The following ZNF609 variants were observed in gnomAD, a reference collection of about 807,000 sequenced individuals.
ZNF609 encodes the protein zinc finger protein 609.
Under a neutral mutation model 109.5 loss-of-function variants are expected in ZNF609, and 11 were observed. That is an observed-to-expected ratio of 0.10 (90% CI 0.06 to 0.17). The LOEUF (loss-of-function observed/expected upper bound fraction) is 0.17. Ranked by LOEUF, ZNF609 falls within the 10% of genes least tolerant of loss-of-function variation. The pLI is 1.00. For missense variants in ZNF609, 1,559 were observed against 1,772.4 expected (o/e 0.88, Z 2.16); for synonymous variants, 646 against 662.0 (o/e 0.98, Z 0.37).
chr15:64,615,352 A>G (rs1383391594), intron 2 of ZNF609, among the ~76,000 whole-genome samples: 1 of 150,606 alleles, frequency 6.6e-6, no homozygotes, highest in Admixed American at 6.6e-5. Context: ...TATGTTGCCC[A>G]GGCTGGTCTG....
At chr15:64,523,368 G>A (rs1893920984) in intron 2 of ZNF609, among the ~76,000 whole-genome samples, 1 of 152,156 alleles carries the variant, frequency 6.6e-6, no homozygotes, top group Non-Finnish European at 1.5e-5. Context: ...CTTTGGAACT[G>A]TTGTCAGCAC....
At chr15:64,651,485 T>C (rs1361026812) in intron 3 of ZNF609, among the ~76,000 whole-genome samples, 1 of 152,184 alleles carries the variant, frequency 6.6e-6, no homozygotes, top group Admixed American at 6.5e-5. Context: ...TGACTCTAGG[T>C]AAAAGGTAGC....
At chr15:64,500,658 C>T in intron 2 of ZNF609, 1 of 532,138 alleles carries the variant, frequency 1.9e-6, no homozygotes, top group East Asian at 3.2e-5. Flanking sequence ...AATTTCATGG[C>T]ATATCTACGA....
chr15:64,537,556 A>G (rs938445218), intron 2 of ZNF609, among the ~76,000 whole-genome samples: 1 of 152,090 alleles, frequency 6.6e-6, no homozygotes, highest in African/African-American at 2.4e-5. Flanking sequence ...CCATCAAAAA[A>G]AAGAAAAAAG....
intron 4 of ZNF609, among the ~76,000 whole-genome samples, chr15:64,672,909 A>G (rs922523495): frequency 6.7e-5 from 10 of 150,308 alleles, no homozygotes; most frequent in African/African-American, 2.5e-4. Context: ...GGTTACAGTG[A>G]GCCGAGATCG....
At chr15:64,672,361 A>AT (rs1555426053) in intron 4 of ZNF609, among the ~76,000 whole-genome samples, 71 of 149,538 alleles carry the variant, frequency 4.7e-4, no homozygotes, top group Non-Finnish European at 8.0e-4. Flanking sequence ...GCGGTGGCTA[A>AT]CGCCTGTAAT....
chr15:64,595,055 G>C (rs908580023), intron 2 of ZNF609, among the ~76,000 whole-genome samples: 1 of 149,430 alleles, frequency 6.7e-6, no homozygotes, highest in African/African-American at 2.5e-5. Context: ...ACTGGGTTTG[G>C]AGCTGTGAGT....
intron 2 of ZNF609, among the ~76,000 whole-genome samples, chr15:64,538,372 T>C (rs987237663): frequency 1.3e-5 from 2 of 152,204 alleles, no homozygotes; most frequent in Non-Finnish European, 2.9e-5. Flanking sequence ...TCTTCTCCAC[T>C]AAAATGTTTG....
At chr15:64,593,527 GT>G (rs1260110457) in intron 2 of ZNF609, among the ~76,000 whole-genome samples, 2 of 152,110 alleles carry the variant, frequency 1.3e-5, no homozygotes, top group African/African-American at 2.4e-5. Flanking sequence ...CATCCAGAAT[GT>G]TCTCTTGTTT....
intron 2 of ZNF609, among the ~76,000 whole-genome samples, chr15:64,588,558 T>C (rs1189132737): frequency 1.3e-5 from 2 of 151,816 alleles, no homozygotes; most frequent in Non-Finnish European, 2.9e-5. Flanking sequence ...TTGCCCACGC[T>C]GGTCTCAAAC....
At chr15:64,654,773 A>G (rs566054134) in intron 3 of ZNF609, among the ~76,000 whole-genome samples, 2 of 152,250 alleles carry the variant, frequency 1.3e-5, no homozygotes, top group Admixed American at 6.5e-5. Flanking sequence ...GCTAGATACA[A>G]TATAGCAATA....
chr15:64,508,709 G>C (rs1254723678), intron 2 of ZNF609, among the ~76,000 whole-genome samples: 2 of 131,482 alleles, frequency 1.5e-5, no homozygotes. Flanking sequence ...TTTTTTTTGA[G>C]ACAGGGTCTC....
rs541754942 is a variant in ZNF609, at chr15:64,528,804, G to A, written c.747+28638G>A. 9.7e-6 allele frequency: 8 copies of A among 821,078 alleles called. No homozygotes were observed. In the African/African-American group the frequency reaches 1.2e-4, roughly 12 times the overall value. The allele number at this position is 821,078 out of a possible 1,614,324, so 50.9% of individuals were successfully genotyped here. A position where few individuals can be genotyped will look rare whatever the true frequency, so the allele number is the denominator to read the frequency against. Reference sequence around the variant, plus strand: ...GCCCCAGCATCGAAGGTAGAAGAGTGGGTGTTGCTGTTGAAGTCGAAGGAG... The same window carrying A: ...GCCCCAGCATCGAAGGTAGAAGAGTAGGTGTTGCTGTTGAAGTCGAAGGAG... On this transcript the variant is annotated intron_variant, in intron 2 of 9. Transcript: ENST00000326648.
chr15:64,472,264 G>A (rs1265240968), intron 1 of ZNF609, among the ~76,000 whole-genome samples: 1 of 152,194 alleles, frequency 6.6e-6, no homozygotes, highest in East Asian at 1.9e-4. Context: ...GCAGCATGGG[G>A]GTTGGATTGC....
intron 3 of ZNF609, among the ~76,000 whole-genome samples, chr15:64,663,124 CTG>C (rs910547612): frequency 6.6e-5 from 10 of 151,990 alleles, no homozygotes; most frequent in African/African-American, 2.4e-4. Context: ...TCTCTGGTCT[CTG>C]TGTTGAGAAC....
Position 64,680,812 on chromosome 15 carries a change from A to T in ZNF609, c.4112A>T (p.His1371Leu). ...ATGTCCACACACCACCACCACCACC[A>T]CTTGGGGTACTCATTGCTCCCAGCA... ...RLMSTHHHHH[H>L]LGYSLLPAQY... Residue 1371 changes from histidine (H) to leucine (L), a missense_variant, in exon 8 of 10, where the codon CAC (histidine) becomes CTC (leucine). His to Leu is a moderately conservative substitution (Grantham distance 99). This residue lies in a region of ZNF609 where 1,204 missense variants were observed against 1,314.1 expected (regional missense o/e 0.92). Coordinates refer to ENST00000326648, the MANE Select transcript of ZNF609 (RefSeq NM_015042.2). The T allele has an allele frequency of 6.2e-7, 1 of 1,613,134 alleles. No homozygotes were observed. Among genetic ancestry groups the T allele is most frequent in the Non-Finnish European group, 8.5e-7 (1 of 1,179,986 alleles).
intron 2 of ZNF609, among the ~76,000 whole-genome samples, chr15:64,557,031 T>C (rs1296846158): frequency 6.6e-6 from 1 of 152,180 alleles, no homozygotes; most frequent in Non-Finnish European, 1.5e-5. Flanking sequence ...AATTTAGTTC[T>C]TCTTTCTGAC....
At chr15:64,575,355 C>T (rs887709113) in intron 2 of ZNF609, among the ~76,000 whole-genome samples, 1 of 151,476 alleles carries the variant, frequency 6.6e-6, no homozygotes, top group Non-Finnish European at 1.5e-5. Context: ...ACCTGGGAGG[C>T]GGAGGTTGCA....
intron 2 of ZNF609, among the ~76,000 whole-genome samples, chr15:64,550,092 C>CA (rs1330933319): frequency 6.6e-6 from 1 of 152,096 alleles, no homozygotes; most frequent in African/African-American, 2.4e-5. Context: ...GCTAGGGCTA[C>CA]AGGCATGCAC....
Sources: gnomAD v4.1 joint callset for allele counts (sites outside exome capture counted in the v4.1 genomes callset) on GRCh38, gnomAD v4.1.1 for gene constraint, gnomAD v4.1.1 regional missense constraint, MANE v1.5 for transcripts, NCBI Gene and HGNC (gene_info 2026-07-23, HGNC 2026-07-21) for gene names.